Variants in ULK4 observed in about 807,000 individuals in gnomAD.
The protein encoded by ULK4 is unc-51 like kinase 4, also known as inactive serine/threonine-protein kinase ULK4.
ULK4 carries 133 observed loss-of-function variants against 160.6 expected under a neutral mutation model. The observed-to-expected ratio is 0.83, with a 90% confidence interval of 0.72 to 0.96. ULK4 has a LOEUF of 0.96. Among genes scored for constraint, ULK4 ranks in the 40% least tolerant of loss-of-function variants. ULK4 has a pLI of 0.00. For synonymous variants in ULK4, 534 were observed against 539.8 expected (o/e 0.99, Z 0.15); for missense variants, 1,580 against 1,499.5 (o/e 1.05, Z -0.89).
chr3:41,760,347 A>T (rs890169979), intron 21 of ULK4, among the ~76,000 whole-genome samples: 1 of 152,196 alleles, frequency 6.6e-6, no homozygotes, highest in East Asian at 1.9e-4. Flanking sequence ...CCTGGAAAAC[A>T]GTTTGGCAGT....
chr3:41,357,420 G>A (rs1481964604), intron 35 of ULK4, among the ~76,000 whole-genome samples: 7 of 152,092 alleles, frequency 4.6e-5, no homozygotes, highest in African/African-American at 9.7e-5. Context: ...GCTCTCCGGA[G>A]TGCTCGGCTG....
chr3:41,908,720 A>G (rs1698666241), intron 11 of ULK4, among the ~76,000 whole-genome samples: 1 of 152,146 alleles, frequency 6.6e-6, no homozygotes, highest in Non-Finnish European at 1.5e-5. Context: ...CAGGGATTAC[A>G]GGCATGAGCC....
rs549095263 is a variant in ULK4, at chr3:41,796,072, G to A, written c.2010+4060C>T. On this transcript the variant is annotated intron_variant, in intron 20 of 36. Coordinates refer to ENST00000301831, the MANE Select transcript of ULK4 (RefSeq NM_017886.4). The stretch of plus-strand genomic sequence containing the variant: ...TCCATATGTCAGTCTGAGAAAGGAG[G>A]TCAATGAGGGAAAAGAGTGTGCTGA... 5.9e-5 allele frequency among the ~76,000 whole-genome samples: 9 copies of A among 152,234 alleles called. 1 individual carries two copies. The Middle Eastern group carries it at 0.01, about 174-fold the overall frequency.
At chr3:41,252,246 G>T (rs1015514460) in intron 35 of ULK4, among the ~76,000 whole-genome samples, 6 of 152,044 alleles carry the variant, frequency 3.9e-5, no homozygotes, top group Admixed American at 3.3e-4. Context: ...AAAATTACTT[G>T]GCAAAAGCAA....
intron 35 of ULK4, among the ~76,000 whole-genome samples, chr3:41,281,113 T>G (rs993878861): frequency 6.6e-6 from 1 of 152,116 alleles, no homozygotes; most frequent in Non-Finnish European, 1.5e-5. Flanking sequence ...CAGGAAGAAG[T>G]TGAATCTCTG....
At chr3:41,836,200 AT>A (rs35529258) in intron 17 of ULK4, among the ~76,000 whole-genome samples, 28 of 150,422 alleles carry the variant, frequency 1.9e-4, no homozygotes, top group Middle Eastern at 3.4e-3. Flanking sequence ...TCAGTTTATA[AT>A]TTTTTTTTTA....
At chr3:41,761,822 T>C (rs528404747) in intron 21 of ULK4, among the ~76,000 whole-genome samples, 4 of 152,272 alleles carry the variant, frequency 2.6e-5, no homozygotes, top group Non-Finnish European at 5.9e-5. Context: ...AAACCTGTAA[T>C]CCCAGCACTA....
intron 32 of ULK4, among the ~76,000 whole-genome samples, chr3:41,491,460 T>A (rs1328931104): frequency 6.6e-6 from 1 of 151,524 alleles, no homozygotes; most frequent in African/African-American, 2.4e-5. Flanking sequence ...AGTAGAAAAA[T>A]GAAAGGGCAA....
At chr3:41,388,680 G>A (rs1187055568) in intron 35 of ULK4, among the ~76,000 whole-genome samples, 8 of 152,054 alleles carry the variant, frequency 5.3e-5, no homozygotes, top group African/African-American at 1.9e-4. Flanking sequence ...AGATCAGATA[G>A]TTGTAGATAT....
intron 19 of ULK4, among the ~76,000 whole-genome samples, chr3:41,802,251 T>A (rs867755194): frequency 6.6e-6 from 1 of 152,154 alleles, no homozygotes; most frequent in Non-Finnish European, 1.5e-5. Flanking sequence ...ATAAATATAA[T>A]AGATTGTTTT....
chr3:41,286,294 AGGGAGTGAGT>A (rs1004366946), intron 35 of ULK4, among the ~76,000 whole-genome samples: 5 of 152,094 alleles, frequency 3.3e-5, no homozygotes, highest in African/African-American at 1.2e-4. Flanking sequence ...CATTTTTCAG[AGGGAGTGAGT>A]GGGGCTGAGA....
chr3:41,771,730 C>G (rs115416548), intron 21 of ULK4, among the ~76,000 whole-genome samples: 14 of 151,884 alleles, frequency 9.2e-5, no homozygotes, highest in Non-Finnish European at 1.9e-4. Flanking sequence ...CAGAGATCCT[C>G]GAAAAATTCA....
chr3:41,470,702 A>C (rs1223487647), intron 32 of ULK4, among the ~76,000 whole-genome samples: 1 of 152,186 alleles, frequency 6.6e-6, no homozygotes, highest in Non-Finnish European at 1.5e-5. Context: ...GTAAATTCTG[A>C]TATCAAAAAC....
intron 14 of ULK4, 38 bp downstream of exon 14, chr3:41,898,392 CAA>C (rs1698240690): frequency 1.6e-6 from 2 of 1,243,016 alleles, no homozygotes; most frequent in Middle Eastern, 1.9e-4. Context: ...TATCTGTATA[CAA>C]AGAGTCTACA....
At chr3:41,907,495 C>T (rs905218505) in intron 12 of ULK4, among the ~76,000 whole-genome samples, 6 of 151,848 alleles carry the variant, frequency 4.0e-5, no homozygotes, top group African/African-American at 1.5e-4. Flanking sequence ...GACAGGGTCT[C>T]GCTATGTTGG....
intron 21 of ULK4, among the ~76,000 whole-genome samples, chr3:41,784,223 T>G (rs1575703670): frequency 6.6e-6 from 1 of 151,612 alleles, no homozygotes; most frequent in Non-Finnish European, 1.5e-5. Flanking sequence ...TCATCTGAGG[T>G]TGGGAGTTTG....
intron 17 of ULK4, among the ~76,000 whole-genome samples, chr3:41,871,227 A>G (rs1459545704): frequency 1.3e-5 from 2 of 152,222 alleles, no homozygotes; most frequent in African/African-American, 4.8e-5. Flanking sequence ...GTATATTAAT[A>G]TGACACTTCA....
chr3:41,393,104 G>A (rs180892289), intron 35 of ULK4, among the ~76,000 whole-genome samples: 128 of 152,268 alleles, frequency 8.4e-4, no homozygotes, highest in Admixed American at 1.9e-3. Context: ...ATATGTGTCT[G>A]CAAAGTACTA....
chr3:41,784,130 AAT>A (rs1461558242), intron 21 of ULK4, among the ~76,000 whole-genome samples: 1 of 152,146 alleles, frequency 6.6e-6, no homozygotes, highest in African/African-American at 2.4e-5. Context: ...ACCATCTGCC[AAT>A]AGTTCAAAAA....
Sources: gnomAD v4.1 joint callset for allele counts (sites outside exome capture counted in the v4.1 genomes callset) on GRCh38, gnomAD v4.1.1 for gene constraint, MANE v1.5 for transcripts, NCBI Gene and HGNC (gene_info 2026-07-23, HGNC 2026-07-21) for gene names.